Variants in ZNF616 observed in about 807,000 individuals in gnomAD.
The protein encoded by ZNF616 is zinc finger protein 616.
ZNF616 carries 5 observed loss-of-function variants against 7.6 expected under a neutral mutation model. That is an observed-to-expected ratio of 0.66 (90% CI 0.34 to 1.38). The LOEUF (loss-of-function observed/expected upper bound fraction) is 1.38. Among genes scored for constraint, ZNF616 ranks in the 40% most tolerant of loss-of-function variants. The probability of loss-of-function intolerance (pLI) is 0.04; values close to 1 mark genes in which losing one functional copy is unlikely to be tolerated. For synonymous variants in ZNF616, 319 were observed against 317.2 expected (o/e 1.01, Z -0.06); for missense variants, 913 against 948.3 (o/e 0.96, Z 0.49).
rs146059329 is a variant in ZNF616 at position 52,115,469 on chromosome 19, T to C, written c.1695A>G (p.Thr565=). 8.1e-6 allele frequency: 13 copies of C among 1,614,078 alleles called. No individual in the cohort carries two copies. The highest frequency in any genetic ancestry group is 1.1e-5 in the Non-Finnish European group (13 of 1,180,036). The change falls in exon 4 of 4, where the codon ACA becomes ACG. Residue 565 remains threonine, a synonymous_variant. Transcript: ENST00000600228. ...GKVFSQCSRL[T]VHRRIHSGEK... ...CTCCACTATGAATTCTCCGATGCAC[T>C]GTAAGACGTGAACATTGACTGAAGA... is the stretch of plus-strand genomic sequence containing the variant.
chr19:52,119,301 G>A (rs1049027558), intron 3 of ZNF616, among the ~76,000 whole-genome samples: 7 of 150,244 alleles, frequency 4.7e-5, no homozygotes, highest in Non-Finnish European at 7.4e-5. Context: ...GCTTGAACCC[G>A]GGAGGTGGAG....
chr19:52,117,175 A>G lies in ZNF616; in HGVS notation c.140-151T>C, dbSNP rs59132297. On this transcript the variant is annotated intron_variant, in intron 3 of 3. Transcript: ENST00000600228. The stretch of plus-strand genomic sequence containing the variant: ...CATGATCTTTTATTTTTAGAAATAC[A>G]AAATGAATAGAAGTCTATAGTAAAG... 3.0e-3 allele frequency: 1,877 copies of G among 634,682 alleles called. 37 individuals carry two copies. In the African/African-American group the frequency reaches 0.032, roughly 11 times the overall value. The allele number at this position is 634,682 out of a possible 1,614,324, so 39.3% of individuals were successfully genotyped here.
intron 3 of ZNF616, 23 bp from the exon 4 acceptor site, chr19:52,117,047 G>GT (rs749418819): frequency 2.3e-4 from 342 of 1,490,012 alleles, no homozygotes; most frequent in South Asian, 3.5e-4. Flanking sequence ...ATGAACATGA[G>GT]TTTTTTTTTA....
chr19:52,138,020 T>C (rs1221604772), intron 1 of ZNF616, among the ~76,000 whole-genome samples: 2 of 152,022 alleles, frequency 1.3e-5, no homozygotes, highest in Non-Finnish European at 2.9e-5. Context: ...CCTGTAGAGG[T>C]GGTTCACACA....
intron 1 of ZNF616, among the ~76,000 whole-genome samples, chr19:52,138,134 C>G (rs981905088): frequency 6.6e-6 from 1 of 152,124 alleles, no homozygotes; most frequent in East Asian, 1.9e-4. Flanking sequence ...GACAGAGACC[C>G]TGTCTCAAAA....
At chr19:52,121,719 A>G (rs1395767746) in intron 3 of ZNF616, among the ~76,000 whole-genome samples, 3 of 152,166 alleles carry the variant, frequency 2.0e-5, no homozygotes, top group Admixed American at 2.0e-4. Context: ...AAGACATTCT[A>G]TTCAATAAAG....
chr19:52,133,821 C>A (rs547333320), intron 1 of ZNF616, among the ~76,000 whole-genome samples: 1 of 152,016 alleles, frequency 6.6e-6, no homozygotes, highest in African/African-American at 2.4e-5. Context: ...CCCCATCACC[C>A]GGGTATTAAG....
chr19:52,136,143 GC>G (rs57505706), intron 1 of ZNF616, among the ~76,000 whole-genome samples: 11,265 of 100,644 alleles, frequency 0.11, 667 homozygotes, highest in South Asian at 0.33. Context: ...AAAAAAAAAA[GC>G]GGGGGGGGGA....
intron 3 of ZNF616, chr19:52,122,283 C>T (rs536127385): frequency 6.6e-6 from 1 of 152,176 alleles, no homozygotes; most frequent in East Asian, 1.9e-4. Context: ...GTCGGGAGTT[C>T]AAGATCAGCC....
chr19:52,131,482 C>T lies in ZNF616; in HGVS notation c.-76-894G>A, dbSNP rs567602249. 3.3e-5 allele frequency among the ~76,000 whole-genome samples: 5 copies of T among 152,278 alleles called. No individual in the cohort carries two copies. The South Asian group carries it at 1.0e-3, about 32-fold the overall frequency. On this transcript the variant is annotated intron_variant, in intron 1 of 3. Transcript: ENST00000600228. ...TCCCAGCTCTGACCTCCCCTTGGGGCCTTGCTGTCACCAGTCTGTAGAAAG... is the reference window on the plus strand; with the variant it reads ...TCCCAGCTCTGACCTCCCCTTGGGGTCTTGCTGTCACCAGTCTGTAGAAAG...
At chr19:52,126,021 A>G (rs953763970) in intron 2 of ZNF616, among the ~76,000 whole-genome samples, 3 of 152,196 alleles carry the variant, frequency 2.0e-5, no homozygotes, top group Non-Finnish European at 4.4e-5. Context: ...GGAAGTCTCC[A>G]GAATCTAGGG....
intron 1 of ZNF616, among the ~76,000 whole-genome samples, chr19:52,136,738 T>A (rs2122177178): frequency 6.6e-6 from 1 of 152,204 alleles, no homozygotes; most frequent in East Asian, 1.9e-4. Flanking sequence ...TTTCTGGGTA[T>A]AAATCCAAAG....
intron 1 of ZNF616, among the ~76,000 whole-genome samples, chr19:52,131,178 G>C (rs893272720): frequency 7.1e-6 from 1 of 141,410 alleles, no homozygotes; most frequent in African/African-American, 2.7e-5. Flanking sequence ...TGAGGCAGGA[G>C]AATCACTTGA....
Position 52,115,776 on chromosome 19 carries a change from T to TTC in ZNF616, c.1386_1387dup (p.Lys463ArgfsTer132), listed in dbSNP as rs756644655. On this transcript the variant is annotated frameshift_variant, in exon 4 of 4. Coordinates refer to ENST00000600228, the MANE Select transcript of ZNF616 (RefSeq NM_178523.5). LOFTEE classifies it low-confidence loss of function (END_TRUNC). ...GCCACATTCATTGCATTTATAAGCTTTCTCGCCGGTATGAATTCTCCAATG... is the reference window on the plus strand; with the variant it reads ...GCCACATTCATTGCATTTATAAGCTTTCTCTCGCCGGTATGAATTCTCCAATG... 5 of 1,609,750 alleles carry TTC rather than the reference T, an allele frequency of 3.1e-6. No homozygotes were observed. Among genetic ancestry groups the TTC allele is most frequent in the Non-Finnish European group, 4.2e-6 (5 of 1,178,042 alleles).
intron 2 of ZNF616, 53 bp downstream of exon 2, chr19:52,130,448 G>A: frequency 6.7e-7 from 1 of 1,503,664 alleles, no homozygotes; most frequent in Admixed American, 1.7e-5. Flanking sequence ...AAAGGAAGGA[G>A]ACAGAATGAC....
At position 52,116,638 on chromosome 19, in the gene ZNF616, C is replaced by G; in HGVS notation, c.526G>C (p.Val176Leu). ...GTTTTTTCCCTAATGTGTGGAGAAA[C>G]TAAACAACCATTATTACCTGTCTTC... ...TEKTGNNGCL[V>L]SPHIREKTYV... The change falls in exon 4 of 4, where the codon GTT (valine) becomes CTT (leucine). Residue 176 changes from valine (V) to leucine (L), a missense_variant. Coordinates refer to ENST00000600228, the MANE Select transcript of ZNF616 (RefSeq NM_178523.5). 1 of 1,614,116 alleles carries G rather than the reference C, an allele frequency of 6.2e-7. No individual in the cohort carries two copies. The highest frequency in any genetic ancestry group is 1.1e-5 in the South Asian group (1 of 91,066).
intron 3 of ZNF616, among the ~76,000 whole-genome samples, chr19:52,117,781 C>T (rs1185522409): frequency 6.6e-6 from 1 of 152,146 alleles, no homozygotes; most frequent in Non-Finnish European, 1.5e-5. Context: ...CCACCTGGAA[C>T]ACAGCTGATC....
At chr19:52,132,613 C>A (rs946531157) in intron 1 of ZNF616, among the ~76,000 whole-genome samples, 1 of 126,550 alleles carries the variant, frequency 7.9e-6, no homozygotes, top group Non-Finnish European at 1.8e-5. Context: ...TGTAGCGCCT[C>A]CCCCCTCACT....
chr19:52,131,870 T>G (rs2088963113), intron 1 of ZNF616, among the ~76,000 whole-genome samples: 1 of 152,138 alleles, frequency 6.6e-6, no homozygotes, highest in African/African-American at 2.4e-5. Flanking sequence ...CTTGCCAGAT[T>G]ACCTGCAACT....
Sources: allele counts gnomAD v4.1 joint callset (sites outside exome capture counted in the v4.1 genomes callset), GRCh38; gene constraint gnomAD v4.1.1; transcripts MANE v1.5; gene names NCBI Gene and HGNC (gene_info 2026-07-23, HGNC 2026-07-21).